Variants in DRC11 observed in about 807,000 individuals in gnomAD.
DRC11 encodes dynein regulatory complex subunit 11.
chr2:236,380,496 C>A, the DRC11 span: 1 of 1,170,882 alleles, frequency 8.5e-7, no homozygotes, highest in South Asian at 1.3e-5. This position sits in a 1 kb window ranked among gnomAD's most constrained non-coding sequence, Gnocchi z 4.9. Flanking sequence ...ACAGAGGGGG[C>A]GTACTCGGGG....
At chr2:236,447,778 C>A in the DRC11 span, among the ~76,000 whole-genome samples, 1 of 151,626 alleles carries the variant, frequency 6.6e-6, no homozygotes, top group Non-Finnish European at 1.5e-5. The surrounding 1 kb of genome is among the most constrained non-coding windows in gnomAD (Gnocchi z 4.6). Context: ...TGATGAGTTC[C>A]ATTTTCTGCA....
At chr2:236,337,333 C>A in the DRC11 span, among the ~76,000 whole-genome samples, 1 of 152,164 alleles carries the variant, frequency 6.6e-6, no homozygotes, top group Non-Finnish European at 1.5e-5. The surrounding 1 kb of genome is among the most constrained non-coding windows in gnomAD (Gnocchi z 4.9). Context: ...GCTTCCCCTG[C>A]CGTTCACCAC....
At chr2:236,362,347 A>T in the DRC11 span, among the ~76,000 whole-genome samples, 1 of 152,152 alleles carries the variant, frequency 6.6e-6, no homozygotes, top group Non-Finnish European at 1.5e-5. The surrounding 1 kb of genome is among the most constrained non-coding windows in gnomAD (Gnocchi z 5.7). Flanking sequence ...TTAAGACAGC[A>T]AGGCTAACTC....
the DRC11 span, among the ~76,000 whole-genome samples, chr2:236,493,143 A>G: frequency 0.042 from 6,467 of 152,282 alleles, 162 homozygotes; most frequent in Middle Eastern, 0.11. Flanking sequence ...ATGGCGGCAG[A>G]CAAGACAGTT....
chr2:236,422,812 C>A, the DRC11 span, among the ~76,000 whole-genome samples: 1 of 151,888 alleles, frequency 6.6e-6, no homozygotes, highest in Non-Finnish European at 1.5e-5. Context: ...TACTACAAGG[C>A]TACAGTAACC....
chr2:236,459,150 A>C, the DRC11 span, among the ~76,000 whole-genome samples: 1 of 152,186 alleles, frequency 6.6e-6, no homozygotes, highest in African/African-American at 2.4e-5. Context: ...GAGATCACTT[A>C]AAGAAAAGAA....
the DRC11 span, chr2:236,331,449 C>A: frequency 2.5e-6 from 4 of 1,613,830 alleles, no homozygotes; most frequent in Non-Finnish European, 3.4e-6. The surrounding 1 kb of genome is among the most constrained non-coding windows in gnomAD (Gnocchi z 4.8). Flanking sequence ...TATGAATTTG[C>A]CGCCGGATTC....
At chr2:236,336,434 C>T in the DRC11 span, among the ~76,000 whole-genome samples, 3 of 57,684 alleles carry the variant, frequency 5.2e-5, no homozygotes, top group South Asian at 7.2e-4. The surrounding 1 kb of genome is among the most constrained non-coding windows in gnomAD (Gnocchi z 7.3). Flanking sequence ...CCACTGCCAC[C>T]ACGGCCACCA....
chr2:236,425,239 G>A, the DRC11 span, among the ~76,000 whole-genome samples: 2 of 151,960 alleles, frequency 1.3e-5, no homozygotes, highest in African/African-American at 4.8e-5. Flanking sequence ...CTTCCACACT[G>A]TTTTCCATAA....
the DRC11 span, among the ~76,000 whole-genome samples, chr2:236,341,679 C>A: frequency 6.6e-6 from 1 of 152,170 alleles, no homozygotes; most frequent in African/African-American, 2.4e-5. Flanking sequence ...TTAGGTGCAC[C>A]AGGAGGGCTG....
the DRC11 span, among the ~76,000 whole-genome samples, chr2:236,405,602 C>A: frequency 6.6e-6 from 1 of 151,928 alleles, no homozygotes; most frequent in Non-Finnish European, 1.5e-5. The surrounding 1 kb of genome is among the most constrained non-coding windows in gnomAD (Gnocchi z 4.6). Context: ...CTTCATGGCC[C>A]AATCAGTTAT....
At chr2:236,484,326 CT>C in the DRC11 span, among the ~76,000 whole-genome samples, 1 of 152,130 alleles carries the variant, frequency 6.6e-6, no homozygotes, top group Non-Finnish European at 1.5e-5. Context: ...TCTTTTCCCC[CT>C]CTGACATAAT....
chr2:236,318,139 T>G, the DRC11 span, among the ~76,000 whole-genome samples: 4 of 62,072 alleles, frequency 6.4e-5, no homozygotes, highest in Non-Finnish European at 9.7e-5. The surrounding 1 kb of genome is among the most constrained non-coding windows in gnomAD (Gnocchi z 7.0). Context: ...CCCGCCCTCC[T>G]TGGGCCCAAG....
At chr2:236,321,838 G>C in the DRC11 span, among the ~76,000 whole-genome samples, 7 of 152,076 alleles carry the variant, frequency 4.6e-5, no homozygotes, top group Non-Finnish European at 8.8e-5. Flanking sequence ...AAGACATCTC[G>C]GGCACAGAGG....
At chr2:236,454,870 G>A in the DRC11 span, 2 of 152,196 alleles carry the variant, frequency 1.3e-5, no homozygotes, top group Non-Finnish European at 2.9e-5. This position sits in a 1 kb window ranked among gnomAD's most constrained non-coding sequence, Gnocchi z 5.3. Flanking sequence ...AACTAGGCAG[G>A]TTTTTAGCCA....
At chr2:236,384,209 T>A in the DRC11 span, among the ~76,000 whole-genome samples, 1 of 152,072 alleles carries the variant, frequency 6.6e-6, no homozygotes, top group Non-Finnish European at 1.5e-5. Flanking sequence ...CAAATGGTAT[T>A]TCCAGTTCTA....
At chr2:236,342,186 C>T in the DRC11 span, among the ~76,000 whole-genome samples, 5 of 152,198 alleles carry the variant, frequency 3.3e-5, no homozygotes, top group African/African-American at 7.2e-5. The surrounding 1 kb of genome is among the most constrained non-coding windows in gnomAD (Gnocchi z 5.8). Context: ...CAAGGTCGGC[C>T]CTGCTGCCTG....
At chr2:236,344,498 G>T in the DRC11 span, 1 of 1,209,582 alleles carries the variant, frequency 8.3e-7, no homozygotes, top group Non-Finnish European at 1.2e-6. Flanking sequence ...GGTAGGCCTT[G>T]GTAAGGGCCT....
chr2:236,431,182 C>T, the DRC11 span, among the ~76,000 whole-genome samples: 1 of 152,166 alleles, frequency 6.6e-6, no homozygotes, highest in Non-Finnish European at 1.5e-5. This position sits in a 1 kb window ranked among gnomAD's most constrained non-coding sequence, Gnocchi z 4.2. Flanking sequence ...TTTCCATTAA[C>T]TGCTAATCCC....
Sources: allele counts gnomAD v4.1 joint callset (sites outside exome capture counted in the v4.1 genomes callset), GRCh38; gene constraint gnomAD v4.1.1; non-coding constraint Gnocchi (gnomAD v3.1); transcripts MANE v1.5; gene names NCBI Gene and HGNC (gene_info 2026-07-23, HGNC 2026-07-21).